MAN1C1: variants seen among roughly 807,000 people sequenced by gnomAD.
MAN1C1 encodes mannosidase alpha class 1C member 1, also known as mannosyl-oligosaccharide 1,2-alpha-mannosidase IC.
Under a neutral mutation model 71.5 loss-of-function variants are expected in MAN1C1, and 49 were observed. The ratio of observed to expected loss-of-function variants is 0.69; its 90% confidence interval spans 0.54 to 0.87. MAN1C1 has a LOEUF of 0.87. Among genes scored for constraint, MAN1C1 ranks in the 40% least tolerant of loss-of-function variants. MAN1C1 has a pLI of 0.00. For missense variants in MAN1C1, 743 were observed against 835.0 expected (o/e 0.89, Z 1.36); for synonymous variants, 352 against 343.7 (o/e 1.02, Z -0.27).
At chr1:25,679,002 GAGACGAGAGAGAGAGAGAGAAACA>G (rs926353164) in intron 1 of MAN1C1, among the ~76,000 whole-genome samples, 1 of 151,954 alleles carries the variant, frequency 6.6e-6, no homozygotes, top group African/African-American at 2.4e-5. Flanking sequence ...AGAGAGAGAG[GAGACGAGAGAGAGAGAGAGAAACA>G]AGACGAGAGA....
rs2047144116 is a variant in MAN1C1, at chr1:25,747,329, C to G, written c.753+546C>G. 2.6e-5 allele frequency among the ~76,000 whole-genome samples: 4 copies of G among 152,212 alleles called. No homozygotes were observed. The South Asian group carries it at 8.3e-4, about 31-fold the overall frequency. On this transcript the variant is annotated intron_variant, in intron 3 of 11. Coordinates refer to ENST00000374332, the MANE Select transcript of MAN1C1 (RefSeq NM_020379.4). Reference sequence around the variant, plus strand: ...CCTTGCAGGCACACTTGGTCAGGGACCAGAGCCTTTCAGAGGGAATGGTCG... The same window carrying G: ...CCTTGCAGGCACACTTGGTCAGGGAGCAGAGCCTTTCAGAGGGAATGGTCG...
At chr1:25,652,820 A>G (rs1331784902) in intron 1 of MAN1C1, among the ~76,000 whole-genome samples, 1 of 152,184 alleles carries the variant, frequency 6.6e-6, no homozygotes, top group Non-Finnish European at 1.5e-5. Flanking sequence ...CTTTATTGTG[A>G]TCACAGCTCA....
At chr1:25,663,885 C>T (rs968575190) in intron 1 of MAN1C1, among the ~76,000 whole-genome samples, 7 of 152,204 alleles carry the variant, frequency 4.6e-5, no homozygotes, top group African/African-American at 1.4e-4. Context: ...AAAGTTAGAA[C>T]ATGGTGTCTG....
At chr1:25,677,230 C>T (rs1252651562) in intron 1 of MAN1C1, among the ~76,000 whole-genome samples, 1 of 152,230 alleles carries the variant, frequency 6.6e-6, no homozygotes, top group African/African-American at 2.4e-5. Context: ...TGGGATTCAG[C>T]TCCGATGGCT....
intron 6 of MAN1C1, among the ~76,000 whole-genome samples, chr1:25,761,923 T>C (rs530778633): frequency 6.6e-6 from 1 of 152,130 alleles, no homozygotes; most frequent in Admixed American, 6.5e-5. Flanking sequence ...GCACCCAGCC[T>C]CTACTCTCCA....
At position 25,781,072 on chromosome 1, in the gene MAN1C1, A is replaced by G; in HGVS notation, c.1610A>G (p.His537Arg). 1 of 1,614,080 alleles carries G rather than the reference A, an allele frequency of 6.2e-7. No homozygotes were observed. The highest frequency in any genetic ancestry group is 1.1e-5 in the South Asian group (1 of 91,082). ...ESYMYLWRQT[H>R]NPIYREWGWE... The stretch of plus-strand genomic sequence containing the variant: ...TACATGTACCTGTGGCGACAGACCC[A>G]CAACCCCATCTACAGGGAGTGGGGC... The change falls in exon 10 of 12, where the codon CAC becomes CGC. Residue 537 changes from histidine (H) to arginine (R), a missense_variant. Transcript: ENST00000374332.
intron 2 of MAN1C1, among the ~76,000 whole-genome samples, chr1:25,734,389 A>C (rs910665739): frequency 6.6e-6 from 1 of 152,232 alleles, no homozygotes; most frequent in Admixed American, 6.5e-5. Context: ...TCAGCCTTTC[A>C]AAGTACTGGG....
At chr1:25,740,590 C>T (rs2047049074) in intron 2 of MAN1C1, among the ~76,000 whole-genome samples, 1 of 152,178 alleles carries the variant, frequency 6.6e-6, no homozygotes, top group Non-Finnish European at 1.5e-5. Context: ...GCGCCCGCCA[C>T]CATGCCCGGC....
At chr1:25,679,744 A>G (rs565466642) in intron 1 of MAN1C1, among the ~76,000 whole-genome samples, 5 of 151,088 alleles carry the variant, frequency 3.3e-5, no homozygotes, top group Non-Finnish European at 5.9e-5. Flanking sequence ...TATGTATAAT[A>G]TATGTATACA....
Position 25,735,140 on chromosome 1 carries a change from C to T in MAN1C1, c.638-11528C>T, listed in dbSNP as rs771863750. 1.1e-4 allele frequency among the ~76,000 whole-genome samples: 17 copies of T among 152,090 alleles called. No individual in the cohort carries two copies. The highest frequency in any genetic ancestry group is 4.1e-4 in the South Asian group (2 of 4,828). On this transcript the variant is annotated intron_variant, in intron 2 of 11. Transcript: ENST00000374332. The surrounding 1 kb of genome is among the most constrained non-coding windows in gnomAD (Gnocchi z 4.6). ...CGATTAAGACATAGGCGGCCAGTCG[C>T]GGTGGCTCACGCCTGTTATCCCAGG...
At chr1:25,620,320 T>C (rs2045187725) in intron 1 of MAN1C1, among the ~76,000 whole-genome samples, 1 of 152,078 alleles carries the variant, frequency 6.6e-6, no homozygotes, top group South Asian at 2.1e-4. Flanking sequence ...ATACTTGGAG[T>C]TGGTGTTCAG....
intron 6 of MAN1C1, 128 bp from the exon 7 acceptor site, chr1:25,763,746 C>A: frequency 1.3e-6 from 1 of 748,586 alleles, no homozygotes; most frequent in Non-Finnish European, 2.3e-6. Flanking sequence ...TTGGGCAGCT[C>A]TCCCTTCCTG....
At chr1:25,728,477 C>G (rs1041208743) in intron 2 of MAN1C1, among the ~76,000 whole-genome samples, 12 of 152,192 alleles carry the variant, frequency 7.9e-5, no homozygotes, top group African/African-American at 2.9e-4. Flanking sequence ...GTAATGCTGG[C>G]TGCTGTGACA....
At chr1:25,694,205 C>A (rs1171614400) in intron 2 of MAN1C1, among the ~76,000 whole-genome samples, 1 of 152,138 alleles carries the variant, frequency 6.6e-6, no homozygotes. Flanking sequence ...GCTGCCTTGA[C>A]CTCTCGTCAC....
In MAN1C1 at chr1:25,749,311, A is replaced by C. The variant is rs749349685; in HGVS notation, c.810A>C (p.Ser270=). The change falls in exon 4 of 12, where the codon TCA becomes TCC. Residue 270 remains serine (S), a synonymous_variant. Coordinates refer to ENST00000374332, the MANE Select transcript of MAN1C1 (RefSeq NM_020379.4). ...TCCGCTACATCGGGGGACTCCTCTC[A>C]GCCTTCTACCTGACAGGAGAAGAGG... is the stretch of plus-strand genomic sequence containing the variant. The part of the protein sequence containing the change: ...VNIRYIGGLL[S]AFYLTGEEVF... 6.2e-7 allele frequency: 1 copy of C among 1,612,214 alleles called. No homozygotes were observed.
At position 25,778,162 on chromosome 1, in the gene MAN1C1, T is replaced by C; in HGVS notation, c.1315T>C (p.Trp439Arg). The C allele has an allele frequency of 1.9e-6, 3 of 1,604,720 alleles. No individual in the cohort carries two copies. The highest frequency in any genetic ancestry group is 2.6e-6 in the Non-Finnish European group (3 of 1,174,484). The change falls in exon 9 of 12, where the codon TGG becomes CGG. Residue 439 changes from tryptophan to arginine, a missense_variant. Transcript: ENST00000374332. The surrounding 1 kb of genome is among the most constrained non-coding windows in gnomAD (Gnocchi z 5.5). Reference sequence around the variant, plus strand: ...CGGGGGGCTGACCTACATTGCCGAGTGGCGAGGGGGGATTCTGGACCACAA... The same window carrying C: ...CGGGGGGCTGACCTACATTGCCGAGCGGCGAGGGGGGATTCTGGACCACAA... The part of the protein sequence containing the change: ...SPGGLTYIAE[W>R]RGGILDHKMG...
In MAN1C1 at chr1:25,715,483, C is replaced by T. The variant is rs1433874239; in HGVS notation, c.637+28947C>T. The stretch of plus-strand genomic sequence containing the variant: ...ATCAGCCTTTCACTCCTTCTCTCAA[C>T]GAATACCTAAGCACTCACAACAGAC... On this transcript the variant is annotated intron_variant, in intron 2 of 11. Coordinates refer to ENST00000374332, the MANE Select transcript of MAN1C1 (RefSeq NM_020379.4). Among the ~76,000 whole-genome samples, 14 of 152,196 alleles carry T rather than the reference C, an allele frequency of 9.2e-5. 1 individual carries two copies. The highest frequency in any genetic ancestry group is 2.4e-5 in the African/African-American group (1 of 41,442).
In MAN1C1 at chr1:25,694,809, C is replaced by T. The variant is rs116193115; in HGVS notation, c.637+8273C>T. On this transcript the variant is annotated intron_variant, in intron 2 of 11. Transcript: ENST00000374332. Reference sequence around the variant, plus strand: ...TGCTTCCCTAGTACGTGGATCTCCACGTATGTTTCTGGGAGGTAGCAGCTT... The same window carrying T: ...TGCTTCCCTAGTACGTGGATCTCCATGTATGTTTCTGGGAGGTAGCAGCTT... Among the ~76,000 whole-genome samples the T allele has an allele frequency of 9.7e-3, 1,476 of 152,296 alleles. 16 individuals carry two copies. The highest frequency in any genetic ancestry group is 0.033 in the African/African-American group (1,356 of 41,550).
intron 1 of MAN1C1, among the ~76,000 whole-genome samples, chr1:25,632,585 A>C (rs1053094374): frequency 6.6e-6 from 1 of 152,004 alleles, no homozygotes; most frequent in African/African-American, 2.4e-5. Context: ...GAGGTGTAAC[A>C]TTAGGTTGTC....
Sources: gnomAD v4.1 joint callset for allele counts (sites outside exome capture counted in the v4.1 genomes callset) on GRCh38, gnomAD v4.1.1 for gene constraint, Gnocchi (gnomAD v3.1) non-coding constraint, MANE v1.5 for transcripts, NCBI Gene and HGNC (gene_info 2026-07-23, HGNC 2026-07-21) for gene names.